Variants in BCAS3 observed in about 807,000 individuals in gnomAD.
The protein encoded by BCAS3 is BCAS4/BCAS3 fusion.
A neutral mutation model predicts 116.1 loss-of-function variants in BCAS3; 53 were observed. The ratio of observed to expected loss-of-function variants is 0.46; its 90% CI spans 0.37 to 0.57. The LOEUF is 0.57. Among genes scored for constraint, BCAS3 ranks in the 20% least tolerant of loss-of-function variants. BCAS3 has a pLI of 0.00. For missense variants in BCAS3, 917 were observed against 1,165.4 expected, an observed-to-expected ratio of 0.79 and a Z score of 3.10; for synonymous variants, 391 against 408.2, an observed-to-expected ratio of 0.96 and a Z score of 0.51.
intron 6 of BCAS3, among the ~76,000 whole-genome samples, chr17:60,767,034 C>G (rs147380259): frequency 6.6e-6 from 1 of 152,202 alleles, no homozygotes; most frequent in African/African-American, 2.4e-5. Context: ...CCTGGTGTGC[C>G]GTTTGCTAAG....
chr17:61,192,755 G>A (rs1218986878), intron 22 of BCAS3, among the ~76,000 whole-genome samples: 1 of 152,150 alleles, frequency 6.6e-6, no homozygotes, highest in Non-Finnish European at 1.5e-5. Flanking sequence ...AGGTAGGAGT[G>A]ATATGTAAGA....
intron 22 of BCAS3, among the ~76,000 whole-genome samples, chr17:61,293,550 C>A (rs2052634560): frequency 6.6e-6 from 1 of 152,158 alleles, no homozygotes; most frequent in African/African-American, 2.4e-5. Flanking sequence ...GATAGCAGAA[C>A]AAGGTCTTCA....
At chr17:61,375,999 T>C (rs1403890855) in intron 23 of BCAS3, among the ~76,000 whole-genome samples, 4 of 152,158 alleles carry the variant, frequency 2.6e-5, no homozygotes, top group South Asian at 2.1e-4. Flanking sequence ...GAAGATGTGG[T>C]GGTGGTTAGA....
chr17:61,380,818 A>T lies in BCAS3; in HGVS notation c.2594-11159A>T, dbSNP rs2143616523. Among the ~76,000 whole-genome samples the T allele has an allele frequency of 6.6e-6, 1 of 152,332 alleles. No individual in the cohort carries two copies. The highest frequency in any genetic ancestry group is 1.9e-4 in the East Asian group (1 of 5,178). ...CCCTGCCCCCCACTTTGAAGATGGA[A>T]GTGAAATTTTCGGACTCTGCTGTGC... is the stretch of plus-strand genomic sequence containing the variant. On this transcript the variant is annotated intron_variant, in intron 23 of 23. Transcript: ENST00000407086. The surrounding 1 kb of genome is among the most constrained non-coding windows in gnomAD (Gnocchi z 4.2).
At chr17:61,319,100 T>C (rs1245117777) in intron 22 of BCAS3, among the ~76,000 whole-genome samples, 1 of 152,208 alleles carries the variant, frequency 6.6e-6, no homozygotes, top group Non-Finnish European at 1.5e-5. Context: ...AATCTGTGAT[T>C]CCAAGATTGG....
In BCAS3 at chr17:61,181,605, C is replaced by G. The variant is rs1724077984; in HGVS notation, c.2425+97041C>G. On this transcript the variant is annotated intron_variant, in intron 22 of 23. Coordinates refer to ENST00000407086, the MANE Select transcript of BCAS3 (RefSeq NM_017679.5). The surrounding 1 kb of genome is among the most constrained non-coding windows in gnomAD (Gnocchi z 5.0). ...TAATTGGTGTTTCTTTCTGAGTTGC[C>G]AAATGCTGAGAAAGCAGACAGTAAT... 6.6e-6 allele frequency among the ~76,000 whole-genome samples: 1 copy of G among 152,042 alleles called. No individual in the cohort carries two copies. The highest frequency in any genetic ancestry group is 6.6e-5 in the Admixed American group (1 of 15,260).
rs994271124 is a variant in BCAS3, at chr17:61,077,236, G to A, written c.2131-1097G>A. On this transcript the variant is annotated intron_variant, in intron 20 of 23. Coordinates refer to ENST00000407086, the MANE Select transcript of BCAS3 (RefSeq NM_017679.5). This position sits in a 1 kb window ranked among gnomAD's most constrained non-coding sequence, Gnocchi z 4.3. ...TTATAATGTTTAATAAAGTATTGGC[G>A]GCCGGGCGCAGTGGCTCACGCCTGT... Among the ~76,000 whole-genome samples the A allele has an allele frequency of 6.6e-6, 1 of 152,074 alleles. No homozygotes were observed. The highest frequency in any genetic ancestry group is 2.4e-5 in the African/African-American group (1 of 41,410).
At chr17:61,350,491 A>G (rs1176153354) in intron 22 of BCAS3, among the ~76,000 whole-genome samples, 1 of 152,022 alleles carries the variant, frequency 6.6e-6, no homozygotes, top group Non-Finnish European at 1.5e-5. Context: ...GCCCAAAGGG[A>G]CTTAAATCAT....
At chr17:60,811,286 C>G (rs2048790726) in intron 7 of BCAS3, 1 of 901,944 alleles carries the variant, frequency 1.1e-6, no homozygotes, top group African/African-American at 1.6e-5. Flanking sequence ...CAAGGTCAAG[C>G]TGGAGACTGA....
Position 61,265,021 on chromosome 17 carries a change from C to T in BCAS3, c.2426-103306C>T, listed in dbSNP as rs1328700890. On this transcript the variant is annotated intron_variant, in intron 22 of 23. Transcript: ENST00000407086. The surrounding 1 kb of genome is among the most constrained non-coding windows in gnomAD (Gnocchi z 4.3). The stretch of plus-strand genomic sequence containing the variant: ...GCAGACAGCCCTGTATTCAATTCCA[C>T]TGTTTATTTTTATTAGCTGTGTAAT... 5.9e-5 allele frequency among the ~76,000 whole-genome samples: 9 copies of T among 152,180 alleles called. No homozygotes were observed. In the East Asian group the frequency reaches 1.7e-3, roughly 29 times the overall value.
intron 6 of BCAS3, among the ~76,000 whole-genome samples, chr17:60,753,450 C>T (rs547090398): frequency 4.0e-5 from 6 of 150,820 alleles, no homozygotes; most frequent in East Asian, 3.9e-4. Context: ...TGCTCTGTCA[C>T]CCAGGCTGGA....
chr17:61,266,136 C>T (rs773633963), intron 22 of BCAS3, among the ~76,000 whole-genome samples: 3 of 152,140 alleles, frequency 2.0e-5, no homozygotes, highest in East Asian at 1.9e-4. Context: ...TGATCATTAA[C>T]GAGCAACTGA....
chr17:60,848,483 T>G (rs1182517418), intron 7 of BCAS3, among the ~76,000 whole-genome samples: 1 of 152,248 alleles, frequency 6.6e-6, no homozygotes, highest in East Asian at 1.9e-4. Context: ...TTATCTGGAA[T>G]TTTCGACATA....
intron 14 of BCAS3, among the ~76,000 whole-genome samples, chr17:60,967,000 G>A (rs182265838): frequency 6.6e-6 from 1 of 152,150 alleles, no homozygotes; most frequent in East Asian, 1.9e-4. Context: ...TATTACCTAT[G>A]TTTTAACAGG....
chr17:60,888,196 T>A (rs2144991968), intron 9 of BCAS3, among the ~76,000 whole-genome samples: 1 of 152,312 alleles, frequency 6.6e-6, no homozygotes, highest in Admixed American at 6.5e-5. Flanking sequence ...ATTCTTGAGG[T>A]CCACTGAACT....
chr17:61,016,751 TCAAA>T (rs1469555922), intron 16 of BCAS3, among the ~76,000 whole-genome samples: 4 of 152,206 alleles, frequency 2.6e-5, no homozygotes, highest in Admixed American at 1.3e-4. Flanking sequence ...CTGTCTGGCC[TCAAA>T]CAGTCCTCAA....
intron 22 of BCAS3, among the ~76,000 whole-genome samples, chr17:61,250,886 T>C (rs1376570976): frequency 6.6e-6 from 1 of 152,218 alleles, no homozygotes; most frequent in Non-Finnish European, 1.5e-5. Flanking sequence ...TTGAACATTA[T>C]CCTACATTAG....
intron 22 of BCAS3, among the ~76,000 whole-genome samples, chr17:61,114,135 C>T (rs1601349333): frequency 7.2e-6 from 1 of 139,742 alleles, no homozygotes; most frequent in South Asian, 2.5e-4. Flanking sequence ...CAATATCATA[C>T]TGAATGGGCA....
intron 15 of BCAS3, chr17:61,003,733 C>T (rs1236814395): frequency 1.3e-5 from 2 of 152,144 alleles, no homozygotes; most frequent in Non-Finnish European, 2.9e-5. Context: ...GGATCATTGG[C>T]TGATTATTTT....
Sources: allele counts gnomAD v4.1 joint callset (sites outside exome capture counted in the v4.1 genomes callset), GRCh38; gene constraint gnomAD v4.1.1; non-coding constraint Gnocchi (gnomAD v3.1); transcripts MANE v1.5; gene names NCBI Gene and HGNC (gene_info 2026-07-23, HGNC 2026-07-21).